The following NOSTRIN variants were observed in gnomAD, a reference collection of about 807,000 sequenced individuals.
The protein encoded by NOSTRIN is nitric oxide synthase trafficking.
NOSTRIN carries 63 observed loss-of-function variants against 59.0 expected under a neutral mutation model. That is an observed-to-expected ratio of 1.07 (90% confidence interval 0.87 to 1.32). The LOEUF is 1.32. Among genes scored for constraint, NOSTRIN ranks in the 40% most tolerant of loss-of-function variants. The probability of loss-of-function intolerance (pLI) is 0.00; values close to 1 mark genes in which losing one functional copy is unlikely to be tolerated. For missense variants in NOSTRIN, 512 were observed against 473.1 expected, an observed-to-expected ratio of 1.08 and a Z score of -0.76; for synonymous variants, 200 against 165.4, an observed-to-expected ratio of 1.21 and a Z score of -1.61.
chr2:168,802,882 TCTTTC>T (rs1338084273), intron 1 of NOSTRIN, among the ~76,000 whole-genome samples: 5 of 152,240 alleles, frequency 3.3e-5, no homozygotes, highest in Non-Finnish European at 7.3e-5. Flanking sequence ...GTAATTGTCA[TCTTTC>T]CTTCTCATAT....
At chr2:168,847,739 T>A (rs1688515765) in intron 8 of NOSTRIN, among the ~76,000 whole-genome samples, 1 of 152,182 alleles carries the variant, frequency 6.6e-6, no homozygotes, top group African/African-American at 2.4e-5. Flanking sequence ...CAGTTTGAGG[T>A]CCTCCAGAGT....
At chr2:168,840,764 C>G (rs1301400424) in intron 7 of NOSTRIN, among the ~76,000 whole-genome samples, 4 of 152,106 alleles carry the variant, frequency 2.6e-5, no homozygotes, top group South Asian at 4.1e-4. Context: ...TCCTAAACTA[C>G]TAAGTCCGGG....
chr2:168,843,936 T>C (rs919734279), intron 8 of NOSTRIN, among the ~76,000 whole-genome samples: 4 of 152,220 alleles, frequency 2.6e-5, no homozygotes, highest in African/African-American at 7.2e-5. Context: ...GAGAAAAAAC[T>C]GTACGCAATC....
chr2:168,789,382 A>G (rs1266109539), intron 2 of NOSTRIN, among the ~76,000 whole-genome samples: 3 of 152,228 alleles, frequency 2.0e-5, no homozygotes, highest in African/African-American at 7.2e-5. Context: ...CAAAAGGCAT[A>G]TCTTACGTGG....
intron 1 of NOSTRIN, among the ~76,000 whole-genome samples, chr2:168,787,396 C>T (rs1378455488): frequency 6.6e-6 from 1 of 152,178 alleles, no homozygotes; most frequent in African/African-American, 2.4e-5. Context: ...CCTCTTTCCT[C>T]TTCTTCTTCA....
chr2:168,795,525 C>T (rs1685456609), upstream of NOSTRIN, among the ~76,000 whole-genome samples: 1 of 152,168 alleles, frequency 6.6e-6, no homozygotes, highest in African/African-American at 2.4e-5. Context: ...TTTATACTAA[C>T]TTGTTTTATG....
chr2:168,851,026 G>A, intron 8 of NOSTRIN, 58 bp from the exon 9 acceptor site: 1 of 1,009,666 alleles, frequency 9.9e-7, no homozygotes, highest in East Asian at 2.4e-5. Context: ...TGTTTGATGA[G>A]TGACTTCCAT....
intron 1 of NOSTRIN, among the ~76,000 whole-genome samples, chr2:168,787,438 A>G (rs1339221967): frequency 6.6e-6 from 1 of 152,086 alleles, no homozygotes; most frequent in East Asian, 1.9e-4. Flanking sequence ...CTTGAAGACT[A>G]ATTTGTGTTA....
intron 2 of NOSTRIN, among the ~76,000 whole-genome samples, chr2:168,817,603 C>T (rs901724381): frequency 6.6e-6 from 1 of 152,166 alleles, no homozygotes; most frequent in African/African-American, 2.4e-5. Flanking sequence ...CCTCCCCTAC[C>T]CCACACACAA....
At chr2:168,843,355 C>T (rs1449778186) in intron 8 of NOSTRIN, among the ~76,000 whole-genome samples, 1 of 152,158 alleles carries the variant, frequency 6.6e-6, no homozygotes, top group Non-Finnish European at 1.5e-5. Context: ...TCTTAGTGGA[C>T]AGGATAGCAC....
At chr2:168,809,512 T>C (rs961630204) in intron 1 of NOSTRIN, among the ~76,000 whole-genome samples, 1 of 152,132 alleles carries the variant, frequency 6.6e-6, no homozygotes, top group African/African-American at 2.4e-5. Context: ...CTATTAAGTA[T>C]TATAGAAGAA....
In NOSTRIN at chr2:168,831,670, G is replaced by T. The variant is rs540022800; in HGVS notation, c.405+136G>T. The T allele has an allele frequency of 2.5e-5, 15 of 610,460 alleles. No individual in the cohort carries two copies. In the South Asian group the frequency reaches 2.9e-4, roughly 12 times the overall value. 37.8% of individuals were successfully genotyped at this position (610,460 alleles called of 1,614,324 possible). A position where few individuals can be genotyped will look rare whatever the true frequency, so the allele number is the denominator to read the frequency against. ...TGAAGAGAAAAATGTTTCCTTACCT[G>T]GTTGTTACACAGATATATTTTTCAC... On this transcript the variant is annotated intron_variant, in intron 6 of 15. Coordinates refer to ENST00000317647, the MANE Select transcript of NOSTRIN (RefSeq NM_001039724.4).
chr2:168,819,680 A>G (rs1352969868), intron 2 of NOSTRIN, among the ~76,000 whole-genome samples: 2 of 152,214 alleles, frequency 1.3e-5, no homozygotes, highest in Non-Finnish European at 2.9e-5. Flanking sequence ...AATGGTCATT[A>G]GGATTTAAAA....
upstream of NOSTRIN, chr2:168,802,340 G>A (rs1279000236): frequency 9.0e-6 from 3 of 332,948 alleles, no homozygotes; most frequent in African/African-American, 2.1e-5. Context: ...TTGGAGACAT[G>A]TTACAGCTTC....
intron 2 of NOSTRIN, among the ~76,000 whole-genome samples, chr2:168,814,510 T>C (rs1001470778): frequency 1.3e-5 from 2 of 152,154 alleles, no homozygotes; most frequent in African/African-American, 4.8e-5. Flanking sequence ...ATTAGAAAAA[T>C]ACCTGGAAAG....
chr2:168,806,160 A>T (rs1382794369), intron 1 of NOSTRIN, among the ~76,000 whole-genome samples: 1 of 152,158 alleles, frequency 6.6e-6, no homozygotes, highest in Non-Finnish European at 1.5e-5. Context: ...AACTCACATG[A>T]TATCAGTAGC....
At chr2:168,863,731 T>A (rs2105805951) in intron 15 of NOSTRIN, 1 of 854,180 alleles carries the variant, frequency 1.2e-6, no homozygotes, top group Admixed American at 6.2e-5. Flanking sequence ...TGTCTTGATC[T>A]TAAGAAAAGA....
At chr2:168,862,896 A>G (rs1201172256) in intron 15 of NOSTRIN, among the ~76,000 whole-genome samples, 3 of 152,228 alleles carry the variant, frequency 2.0e-5, no homozygotes, top group East Asian at 1.9e-4. Context: ...CCCAGAGCCA[A>G]TGGAAAATCA....
intron 2 of NOSTRIN, among the ~76,000 whole-genome samples, chr2:168,820,955 C>T (rs937424743): frequency 2.6e-5 from 4 of 152,170 alleles, no homozygotes; most frequent in African/African-American, 4.8e-5. Flanking sequence ...GACAGTGTTA[C>T]CTTTCCTGTT....
Sources: allele counts gnomAD v4.1 joint callset (sites outside exome capture counted in the v4.1 genomes callset), GRCh38; gene constraint gnomAD v4.1.1; transcripts MANE v1.5; gene names NCBI Gene and HGNC (gene_info 2026-07-23, HGNC 2026-07-21).